Variants in KCNH7 observed in about 807,000 individuals in gnomAD.
The protein encoded by KCNH7 is voltage-gated inwardly rectifying potassium channel KCNH7.
In KCNH7, 49 loss-of-function variants were observed where a neutral mutation model predicts 120.8. The observed-to-expected ratio is 0.41, with a 90% CI of 0.32 to 0.51. The LOEUF (loss-of-function observed/expected upper bound fraction) is 0.51, where lower values mean the gene tolerates loss of function less well. Among genes scored for constraint, KCNH7 ranks in the 20% least tolerant of loss-of-function variants. The pLI is 0.38. For missense variants in KCNH7, 1,097 were observed against 1,446.6 expected (o/e 0.76, Z 3.92); for synonymous variants, 547 against 516.1 (o/e 1.06, Z -0.81).
intron 2 of KCNH7, among the ~76,000 whole-genome samples, chr2:162,834,161 T>C (rs1380558413): frequency 6.6e-6 from 1 of 152,034 alleles, no homozygotes; most frequent in Non-Finnish European, 1.5e-5. Context: ...TCCAAGAATT[T>C]GTATCTCATA....
intron 5 of KCNH7, among the ~76,000 whole-genome samples, chr2:162,510,196 T>C (rs1319393347): frequency 2.0e-5 from 3 of 151,620 alleles, no homozygotes; most frequent in Non-Finnish European, 4.4e-5. Context: ...AACAAAGAAC[T>C]TTGAAATGTT....
intron 2 of KCNH7, among the ~76,000 whole-genome samples, chr2:162,620,309 C>T (rs1161817615): frequency 6.6e-6 from 1 of 151,602 alleles, no homozygotes; most frequent in Non-Finnish European, 1.5e-5. Context: ...TGTTGAACCC[C>T]ATGATCTCAA....
intron 2 of KCNH7, among the ~76,000 whole-genome samples, chr2:162,709,563 A>G (rs151319452): frequency 0.013 from 2,054 of 152,244 alleles, 44 homozygotes; most frequent in African/African-American, 0.046. Context: ...TATGTAGAAT[A>G]AACTTTGAAC....
chr2:162,612,223 C>G (rs145582103), intron 2 of KCNH7, among the ~76,000 whole-genome samples: 36 of 152,182 alleles, frequency 2.4e-4, no homozygotes, highest in Middle Eastern at 3.4e-3. Flanking sequence ...CATCATGGCA[C>G]CTTTGCAAGA....
intron 3 of KCNH7, among the ~76,000 whole-genome samples, chr2:162,519,952 A>C (rs1293904778): frequency 1.3e-5 from 2 of 151,740 alleles, no homozygotes; most frequent in African/African-American, 4.8e-5. Context: ...ATACTCTCCC[A>C]GTGGATGGTT....
At chr2:162,764,548 T>C (rs764986582) in intron 2 of KCNH7, among the ~76,000 whole-genome samples, 8 of 152,122 alleles carry the variant, frequency 5.3e-5, no homozygotes, top group Non-Finnish European at 1.0e-4. Context: ...TTAAAATGTA[T>C]AGAATAGACT....
intron 2 of KCNH7, among the ~76,000 whole-genome samples, chr2:162,585,452 G>A (rs1047421767): frequency 6.6e-6 from 1 of 151,962 alleles, no homozygotes; most frequent in African/African-American, 2.4e-5. Context: ...TGGAACATGT[G>A]CAAGTTTTAA....
At chr2:162,523,454 A>G (rs149503622) in intron 3 of KCNH7, among the ~76,000 whole-genome samples, 1 of 151,952 alleles carries the variant, frequency 6.6e-6, no homozygotes, top group Non-Finnish European at 1.5e-5. Flanking sequence ...CCTATTTCCT[A>G]TGGTAATGGG....
chr2:162,593,097 T>A (rs1451578791), intron 2 of KCNH7, among the ~76,000 whole-genome samples: 3 of 152,064 alleles, frequency 2.0e-5, no homozygotes, highest in Admixed American at 2.0e-4. Context: ...CCACACAAGG[T>A]CTCTATCACT....
chr2:162,652,431 T>TG (rs1304392251), intron 2 of KCNH7, among the ~76,000 whole-genome samples: 5 of 150,934 alleles, frequency 3.3e-5, no homozygotes, highest in African/African-American at 1.2e-4. Flanking sequence ...GTGGAGAGTG[T>TG]GGGGGGAGGG....
chr2:162,819,536 T>C (rs1170118605), intron 2 of KCNH7, among the ~76,000 whole-genome samples: 1 of 152,178 alleles, frequency 6.6e-6, no homozygotes, highest in African/African-American at 2.4e-5. Flanking sequence ...TTTTTTGAAA[T>C]AGAAATTTTA....
At chr2:162,596,525 C>G (rs563545902) in intron 2 of KCNH7, among the ~76,000 whole-genome samples, 1 of 152,050 alleles carries the variant, frequency 6.6e-6, no homozygotes, top group South Asian at 2.1e-4. Context: ...GAAATTGGAC[C>G]ACTATGTCAC....
At chr2:162,407,979 T>C (rs1468330895) in intron 9 of KCNH7, among the ~76,000 whole-genome samples, 6 of 152,094 alleles carry the variant, frequency 3.9e-5, no homozygotes, top group Non-Finnish European at 8.8e-5. Context: ...AAATTTTTTA[T>C]TGAGTTGTCA....
intron 2 of KCNH7, among the ~76,000 whole-genome samples, chr2:162,652,967 A>G (rs1684619831): frequency 6.6e-6 from 1 of 152,184 alleles, no homozygotes; most frequent in African/African-American, 2.4e-5. Flanking sequence ...GATACCATTG[A>G]GCGGTAAGGC....
chr2:162,530,860 G>A (rs544461295), intron 3 of KCNH7, among the ~76,000 whole-genome samples: 39 of 151,824 alleles, frequency 2.6e-4, no homozygotes, highest in Admixed American at 5.9e-4. Flanking sequence ...AAAATATGAA[G>A]TCGAAATTGA....
intron 3 of KCNH7, 49 bp from the exon 4 acceptor site, chr2:162,518,207 C>T (rs774727518): frequency 1.5e-6 from 2 of 1,355,172 alleles, no homozygotes; most frequent in Non-Finnish European, 2.0e-6. Context: ...AATGATATAT[C>T]CTGTAACAAA....
At chr2:162,477,726 AT>A (rs1486074348) in intron 6 of KCNH7, among the ~76,000 whole-genome samples, 1 of 152,124 alleles carries the variant, frequency 6.6e-6, no homozygotes, top group Non-Finnish European at 1.5e-5. Context: ...GCCATAATTG[AT>A]TTAGGAGGGG....
At chr2:162,587,423 G>A (rs1694055011) in intron 2 of KCNH7, among the ~76,000 whole-genome samples, 1 of 152,098 alleles carries the variant, frequency 6.6e-6, no homozygotes, top group South Asian at 2.1e-4. Context: ...ACAGCTTGCT[G>A]TGGAAGAACT....
At chr2:162,372,131 C>G (rs762513333) in intron 15 of KCNH7, 36 bp from the exon 16 acceptor site, 5 of 1,515,084 alleles carry the variant, frequency 3.3e-6, no homozygotes, top group Non-Finnish European at 2.7e-6. Flanking sequence ...TTTTATAATT[C>G]ACATTGATAG....
Sources: gnomAD v4.1 joint callset for allele counts (sites outside exome capture counted in the v4.1 genomes callset) on GRCh38, gnomAD v4.1.1 for gene constraint, MANE v1.5 for transcripts, NCBI Gene and HGNC (gene_info 2026-07-23, HGNC 2026-07-21) for gene names.